Variants in BACE2 observed in about 807,000 individuals in gnomAD.
BACE2 encodes beta-secretase 2, also known as 56 kDa aspartic-like protease.
In BACE2, 17 loss-of-function variants were observed where a neutral mutation model predicts 46.2. The observed-to-expected ratio is 0.37, with a 90% CI of 0.25 to 0.55. BACE2 has a LOEUF of 0.55. Among genes scored for constraint, BACE2 ranks in the 20% least tolerant of loss-of-function variants. The pLI is 0.82. For synonymous variants in BACE2, 277 were observed against 295.9 expected (o/e 0.94, Z 0.66); for missense variants, 595 against 698.1 (o/e 0.85, Z 1.66).
At chr21:41,204,163 C>T (rs995027850) in intron 1 of BACE2, among the ~76,000 whole-genome samples, 1 of 152,094 alleles carries the variant, frequency 6.6e-6, no homozygotes, top group Non-Finnish European at 1.5e-5. Context: ...ATTACAGGCA[C>T]TCACCATCAT....
At chr21:41,231,741 T>C (rs1986971765) in intron 2 of BACE2, among the ~76,000 whole-genome samples, 1 of 152,226 alleles carries the variant, frequency 6.6e-6, no homozygotes, top group Non-Finnish European at 1.5e-5. Flanking sequence ...GATTGCTGTT[T>C]CTGAGCACCC....
intron 1 of BACE2, among the ~76,000 whole-genome samples, chr21:41,209,859 A>G (rs1407753411): frequency 6.6e-6 from 1 of 152,316 alleles, no homozygotes; most frequent in African/African-American, 2.4e-5. Context: ...ATGAAAGGAC[A>G]TAGTTCCCAA....
chr21:41,169,879 G>T (rs1471260826), intron 1 of BACE2, among the ~76,000 whole-genome samples: 1 of 152,216 alleles, frequency 6.6e-6, no homozygotes, highest in African/African-American at 2.4e-5. Context: ...GGAGGGAATA[G>T]GAATCCCCAT....
intron 1 of BACE2, among the ~76,000 whole-genome samples, chr21:41,213,494 G>T (rs1177579648): frequency 2.0e-5 from 3 of 152,218 alleles, no homozygotes; most frequent in Non-Finnish European, 4.4e-5. Flanking sequence ...GAGTAAGCTG[G>T]CTGGGCACGG....
intron 1 of BACE2, among the ~76,000 whole-genome samples, chr21:41,210,568 C>T (rs1986267007): frequency 6.6e-6 from 1 of 152,204 alleles, no homozygotes; most frequent in South Asian, 2.1e-4. Flanking sequence ...ATTCAAATGA[C>T]TGCAGCTCAT....
chr21:41,232,868 A>ATT (rs142089135), intron 2 of BACE2, among the ~76,000 whole-genome samples: 12,539 of 137,954 alleles, frequency 0.091, 696 homozygotes, highest in South Asian at 0.11. Flanking sequence ...ACAGACTTGA[A>ATT]TTTTTTTTTT....
At chr21:41,268,482 C>T (rs2088401681) in intron 8 of BACE2, among the ~76,000 whole-genome samples, 1 of 152,210 alleles carries the variant, frequency 6.6e-6, no homozygotes, top group Admixed American at 6.5e-5. Context: ...AATCAGCTTT[C>T]GTCTAATCTT....
rs1209893249 is a variant in BACE2 at position 41,168,422 on chromosome 21, C to G, written c.159C>G (p.Ala53=). Residue 53 remains alanine, a synonymous_variant, in exon 1 of 9, where the codon GCC becomes GCG. Transcript: ENST00000330333. ...CCACCCCGGGACCCGGGACCCCTGCCGAGCGCCACGCCGACGGCTTGGCGC... is the reference window on the plus strand; with the variant it reads ...CCACCCCGGGACCCGGGACCCCTGCGGAGCGCCACGCCGACGGCTTGGCGC... ...VAPTPGPGTP[A]ERHADGLALA... 2.1e-6 allele frequency: 3 copies of G among 1,403,918 alleles called. No individual in the cohort carries two copies. The highest frequency in any genetic ancestry group is 3.0e-5 in the East Asian group (1 of 32,942). 87.0% of individuals were successfully genotyped at this position (1,403,918 alleles called of 1,614,324 possible). A position where few individuals can be genotyped will look rare whatever the true frequency, so the allele number is the denominator to read the frequency against.
intron 6 of BACE2, among the ~76,000 whole-genome samples, chr21:41,249,901 C>T (rs1474361525): frequency 6.6e-6 from 1 of 152,228 alleles, no homozygotes; most frequent in Non-Finnish European, 1.5e-5. Flanking sequence ...TGCTACCTTC[C>T]TTCCGGTTCC....
At chr21:41,234,888 T>C (rs549618289) in intron 2 of BACE2, among the ~76,000 whole-genome samples, 7 of 152,358 alleles carry the variant, frequency 4.6e-5, no homozygotes, top group South Asian at 4.1e-4. Flanking sequence ...TTTCTGTTTT[T>C]GTACCTGCCC....
chr21:41,282,486 G>A lies in BACE2; in HGVS notation c.*6862G>A, dbSNP rs904539074. On this transcript the variant is annotated 3_prime_UTR_variant, in exon 9 of 9. Transcript: ENST00000330333. The stretch of plus-strand genomic sequence containing the variant: ...CAATTTAAGATATATACCATTGAAA[G>A]GGAAATAAAACATTTTTGTTTATTT... The A allele has an allele frequency of 1.3e-5, 2 of 152,110 alleles. No homozygotes were observed. The highest frequency in any genetic ancestry group is 2.9e-5 in the Non-Finnish European group (2 of 68,024). 9.4% of individuals were successfully genotyped at this position (152,110 alleles called of 1,614,324 possible).
intron 1 of BACE2, among the ~76,000 whole-genome samples, chr21:41,200,602 C>T: frequency 6.6e-6 from 1 of 152,266 alleles, no homozygotes; most frequent in African/African-American, 2.4e-5. Context: ...AAGTCCAAAC[C>T]TCCAGTACTT....
chr21:41,179,761 G>C, intron 1 of BACE2: 1 of 836,102 alleles, frequency 1.2e-6, no homozygotes, highest in Non-Finnish European at 1.7e-6. Context: ...GGTGTGGGGT[G>C]GGGTGGAGAA....
At chr21:41,169,383 T>TA (rs1984515961) in intron 1 of BACE2, among the ~76,000 whole-genome samples, 1 of 151,870 alleles carries the variant, frequency 6.6e-6, no homozygotes, top group Non-Finnish European at 1.5e-5. Flanking sequence ...CCTTTTCTCT[T>TA]ACTCTGATGT....
intron 1 of BACE2, among the ~76,000 whole-genome samples, chr21:41,223,307 G>T (rs186009530): frequency 6.6e-6 from 1 of 151,530 alleles, no homozygotes; most frequent in Non-Finnish European, 1.5e-5. Flanking sequence ...AGCAAGTGAT[G>T]ATTGTGCTGC....
chr21:41,190,723 TA>T (rs1985538967), intron 1 of BACE2, among the ~76,000 whole-genome samples: 1 of 152,188 alleles, frequency 6.6e-6, no homozygotes, highest in Admixed American at 6.5e-5. Context: ...CCATTGATCT[TA>T]ATCACAGGGC....
rs1014856670 is a variant in BACE2 at position 41,275,844 on chromosome 21, T to C, written c.*220T>C. The stretch of plus-strand genomic sequence containing the variant: ...CAAGAAAAATAATTAAAAAAAAAAC[T>C]TCATTCTAAACCAAAACAGAGTGGA... On this transcript the variant is annotated 3_prime_UTR_variant, in exon 9 of 9. Coordinates refer to ENST00000330333, the MANE Select transcript of BACE2 (RefSeq NM_012105.5). The C allele has an allele frequency of 3.2e-5, 20 of 632,442 alleles. No individual in the cohort carries two copies. The highest frequency in any genetic ancestry group is 5.2e-5 in the Non-Finnish European group (20 of 382,202). 39.2% of individuals were successfully genotyped at this position (632,442 alleles called of 1,614,324 possible).
chr21:41,247,631 C>T (rs1320890273), intron 6 of BACE2, among the ~76,000 whole-genome samples: 1 of 152,258 alleles, frequency 6.6e-6, no homozygotes, highest in Non-Finnish European at 1.5e-5. Flanking sequence ...GTGGACCGGC[C>T]AGACCCCTGT....
intron 1 of BACE2, among the ~76,000 whole-genome samples, chr21:41,207,731 C>T (rs74808992): frequency 0.073 from 11,142 of 152,300 alleles, 1,328 homozygotes; most frequent in African/African-American, 0.25. Flanking sequence ...CACAGGCTCT[C>T]TGGCCTCCAG....
Sources: allele counts gnomAD v4.1 joint callset (sites outside exome capture counted in the v4.1 genomes callset), GRCh38; gene constraint gnomAD v4.1.1; transcripts MANE v1.5; gene names NCBI Gene and HGNC (gene_info 2026-07-23, HGNC 2026-07-21).